RBM33: variants seen among roughly 807,000 people sequenced by gnomAD.
RBM33 encodes the protein RNA-binding protein 33.
RBM33 carries 28 observed loss-of-function variants against 132.6 expected under a neutral mutation model. That is an observed-to-expected ratio of 0.21 (90% CI 0.16 to 0.29). RBM33 has a LOEUF of 0.29. RBM33 is among the 10% of genes least tolerant of loss of function. The pLI, the probability that RBM33 is intolerant of heterozygous loss-of-function variation, is 1.00. For synonymous variants in RBM33, 634 were observed against 593.0 expected, an observed-to-expected ratio of 1.07 and a Z score of -1.01; for missense variants, 1,291 against 1,518.5, an observed-to-expected ratio of 0.85 and a Z score of 2.49.
At chr7:155,683,201 A>G (rs1034942429) in intron 5 of RBM33, among the ~76,000 whole-genome samples, 3 of 152,196 alleles carry the variant, frequency 2.0e-5, no homozygotes, top group African/African-American at 7.2e-5. Context: ...ATGATCTGAA[A>G]TGGCCGCTTC....
chr7:155,683,680 A>T (rs974839614), intron 5 of RBM33, among the ~76,000 whole-genome samples: 2 of 152,168 alleles, frequency 1.3e-5, no homozygotes, highest in African/African-American at 2.4e-5. Context: ...GTGAATTGTG[A>T]TTTCATTTGA....
chr7:155,646,129 T>A (rs1798182656), intron 1 of RBM33, among the ~76,000 whole-genome samples: 2 of 152,080 alleles, frequency 1.3e-5, no homozygotes, highest in Admixed American at 1.3e-4. Flanking sequence ...GTGAACACTC[T>A]TTTCATTAGA....
At chr7:155,736,624 CTGTG>C (rs1333420600) in intron 9 of RBM33, among the ~76,000 whole-genome samples, 1 of 152,160 alleles carries the variant, frequency 6.6e-6, no homozygotes, top group African/African-American at 2.4e-5. Context: ...CCAGAGGACT[CTGTG>C]TACTATTTTT....
At chr7:155,673,986 A>T (rs1353429612) in intron 3 of RBM33, among the ~76,000 whole-genome samples, 2 of 49,878 alleles carry the variant, frequency 4.0e-5, no homozygotes, top group Non-Finnish European at 7.8e-5. Flanking sequence ...ACACAGTCTT[A>T]CTCTTGCCCA....
In RBM33 at chr7:155,774,498, A is replaced by C; in HGVS notation, c.3376-61A>C. ...TAAAACTAATAATGCTTAAATATAT[A>C]TATTCATATTTTTTATTGTCATTTA... On this transcript the variant is annotated intron_variant, in intron 16 of 17. Coordinates refer to ENST00000401878, the MANE Select transcript of RBM33 (RefSeq NM_053043.3). This position sits in a 1 kb window ranked among gnomAD's most constrained non-coding sequence, Gnocchi z 4.2. The C allele has an allele frequency of 2.6e-6, 3 of 1,159,850 alleles. No individual in the cohort carries two copies. Among genetic ancestry groups the C allele is most frequent in the Non-Finnish European group, 3.9e-6 (3 of 774,814 alleles). 71.8% of individuals were successfully genotyped at this position (1,159,850 alleles called of 1,614,324 possible).
In RBM33 at chr7:155,667,389, C is replaced by T. The variant is rs557737275; in HGVS notation, c.122+2136C>T. Among the ~76,000 whole-genome samples the T allele has an allele frequency of 1.8e-3, 279 of 151,990 alleles. 3 individuals carry two copies. Among genetic ancestry groups the T allele is most frequent in the Middle Eastern group, 6.8e-3 (2 of 294 alleles). ...TGGCCTCCCAGAGTGCTGGGATTGG[C>T]GTGAGCTAGTGTGCCGTGCCCAGTT... is the stretch of plus-strand genomic sequence containing the variant. On this transcript the variant is annotated intron_variant, in intron 2 of 17. Coordinates refer to ENST00000401878, the MANE Select transcript of RBM33 (RefSeq NM_053043.3).
At chr7:155,751,911 A>G (rs1459748557) in intron 14 of RBM33, among the ~76,000 whole-genome samples, 1 of 152,124 alleles carries the variant, frequency 6.6e-6, no homozygotes, top group Non-Finnish European at 1.5e-5. Context: ...ACACTCCTGT[A>G]TTTGTTAGCT....
intron 5 of RBM33, among the ~76,000 whole-genome samples, chr7:155,681,169 T>C (rs1386263835): frequency 1.3e-5 from 2 of 152,216 alleles, no homozygotes; most frequent in Non-Finnish European, 2.9e-5. Flanking sequence ...AGAAAACAGC[T>C]TTGTGTGGTG....
rs1196608970 is a variant in RBM33 at position 155,738,134 on chromosome 7, A to G, written c.1468A>G (p.Thr490Ala). ...RSPPPPPPPP[T>A]LLNSSHPVPT... ...TCCCCCTCCACCACCACCGCCTCCT[A>G]CCCTTCTTAACAGTAGCCATCCTGT... The change falls in exon 11 of 18, where the codon ACC becomes GCC. Residue 490 changes from threonine to alanine, a missense_variant. By Grantham distance (58) the Thr-to-Ala change is moderately conservative. Around this residue, in one of 7 missense-constraint regions of RBM33, gnomAD observed 841 missense variants for 912.0 expected, o/e 0.92. Transcript: ENST00000401878. The G allele has an allele frequency of 1.2e-6, 2 of 1,613,808 alleles. No individual in the cohort carries two copies. The highest frequency in any genetic ancestry group is 1.1e-5 in the South Asian group (1 of 91,076).
At chr7:155,731,720 A>T (rs1563165205) in intron 9 of RBM33, among the ~76,000 whole-genome samples, 1 of 152,318 alleles carries the variant, frequency 6.6e-6, no homozygotes, top group East Asian at 1.9e-4. Context: ...ATATTTTCAG[A>T]TTTCAATTGA....
chr7:155,748,422 A>C (rs1194279848), intron 14 of RBM33, among the ~76,000 whole-genome samples: 4 of 152,200 alleles, frequency 2.6e-5, no homozygotes, highest in Non-Finnish European at 4.4e-5. Context: ...GGGTGATTGC[A>C]GTTGAAATAT....
intron 1 of RBM33, among the ~76,000 whole-genome samples, chr7:155,652,042 C>T (rs1340840348): frequency 1.3e-5 from 2 of 151,854 alleles, no homozygotes; most frequent in African/African-American, 4.8e-5. Context: ...ATGTTCACTT[C>T]GAAAGTTATT....
chr7:155,774,504 A>G lies in RBM33; in HGVS notation c.3376-55A>G. On this transcript the variant is annotated intron_variant, in intron 16 of 17. Transcript: ENST00000401878. The surrounding 1 kb of genome is among the most constrained non-coding windows in gnomAD (Gnocchi z 4.2). ...TAATAATGCTTAAATATATATATTC[A>G]TATTTTTTATTGTCATTTACAACTG... 1.6e-6 allele frequency: 2 copies of G among 1,258,392 alleles called. No individual in the cohort carries two copies. Among genetic ancestry groups the G allele is most frequent in the Non-Finnish European group, 1.2e-6 (1 of 860,158 alleles). The allele number at this position is 1,258,392 out of a possible 1,614,324, so 78.0% of individuals were successfully genotyped here.
Position 155,763,739 on chromosome 7 carries a change from G to A in RBM33, c.2980-73G>A. The A allele has an allele frequency of 3.6e-6, 5 of 1,389,568 alleles. No individual in the cohort carries two copies. The South Asian group carries it at 6.2e-5, about 17-fold the overall frequency. The allele number at this position is 1,389,568 out of a possible 1,614,324, so 86.1% of individuals were successfully genotyped here. ...TGTGGGTGAACACTGGCTGAGGTGGGCTTCCTAATGCTGGGGAGGAGCTTT... is the reference window on the plus strand; with the variant it reads ...TGTGGGTGAACACTGGCTGAGGTGGACTTCCTAATGCTGGGGAGGAGCTTT... On this transcript the variant is annotated intron_variant, in intron 14 of 17. Transcript: ENST00000401878.
chr7:155,709,564 C>T (rs1231025110), intron 7 of RBM33, among the ~76,000 whole-genome samples: 2 of 152,256 alleles, frequency 1.3e-5, no homozygotes, highest in East Asian at 1.9e-4. Flanking sequence ...TTTCACAGGC[C>T]CTGAATGTCA....
rs192430786 is a variant in RBM33, at chr7:155,774,379, G to A, written c.3376-180G>A. On this transcript the variant is annotated intron_variant, in intron 16 of 17. Transcript: ENST00000401878. This position sits in a 1 kb window ranked among gnomAD's most constrained non-coding sequence, Gnocchi z 4.2. ...TGATTTAGTAAAGCACTGTTTTGGA[G>A]TAGATTATCTAGATAAGTAAGACAA... Among the ~76,000 whole-genome samples the A allele has an allele frequency of 2.5e-3, 379 of 152,316 alleles. 12 individuals carry two copies. Among genetic ancestry groups the A allele is most frequent in the Admixed American group, 0.022 (331 of 15,308 alleles).
chr7:155,644,982 G>C lies in RBM33; in HGVS notation c.43+63G>C. The C allele has an allele frequency of 3.1e-6, 4 of 1,288,772 alleles. No homozygotes were observed. In the South Asian group the frequency reaches 4.4e-5, roughly 14 times the overall value. The allele number at this position is 1,288,772 out of a possible 1,614,324, so 79.8% of individuals were successfully genotyped here. ...GCCGCGGTGGGCGGGGGTGTAGGCC[G>C]GGGGGCCTCCCCGCTTAGGAGAGGA... On this transcript the variant is annotated intron_variant, in intron 1 of 17. Transcript: ENST00000401878.
intron 16 of RBM33, among the ~76,000 whole-genome samples, chr7:155,767,220 A>G (rs1802250870): frequency 6.6e-6 from 1 of 152,250 alleles, no homozygotes; most frequent in Non-Finnish European, 1.5e-5. Context: ...TCCACTGGAA[A>G]CAGGGTTTTC....
rs758368157 is a variant in RBM33 at position 155,766,548 on chromosome 7, G to C, written c.3268G>C (p.Val1090Leu). The C allele has an allele frequency of 1.2e-6, 2 of 1,613,734 alleles. No homozygotes were observed. Among genetic ancestry groups the C allele is most frequent in the East Asian group, 2.2e-5 (1 of 44,852 alleles). The change falls in exon 16 of 18, where the codon GTG becomes CTG. Residue 1090 changes from valine (V) to leucine (L), a missense_variant. Coordinates refer to ENST00000401878, the MANE Select transcript of RBM33 (RefSeq NM_053043.3). ...GATGCCAAACAAGCAGAACCTGCGG[G>C]TGGTGGAGTGCAAGCCCCAGCCCTG... ...RLMPNKQNLR[V>L]VECKPQPCVV...
Sources: gnomAD v4.1 joint callset for allele counts (sites outside exome capture counted in the v4.1 genomes callset) on GRCh38, gnomAD v4.1.1 for gene constraint, gnomAD v4.1.1 regional missense constraint, Gnocchi (gnomAD v3.1) non-coding constraint, MANE v1.5 for transcripts, NCBI Gene and HGNC (gene_info 2026-07-23, HGNC 2026-07-21) for gene names.